PPM1L: variants seen among roughly 807,000 people sequenced by gnomAD.
The protein encoded by PPM1L is protein phosphatase 1L.
PPM1L carries 13 observed loss-of-function variants against 31.4 expected under a neutral mutation model. The observed-to-expected ratio is 0.41, with a 90% confidence interval of 0.27 to 0.66. The LOEUF is 0.66. Among genes scored for constraint, PPM1L ranks in the 30% least tolerant of loss-of-function variants. PPM1L has a pLI of 0.29. For synonymous variants in PPM1L, 184 were observed against 175.4 expected (o/e 1.05, Z -0.39); for missense variants, 326 against 453.7 (o/e 0.72, Z 2.56).
intron 1 of PPM1L, among the ~76,000 whole-genome samples, chr3:160,832,638 C>T (rs1026951871): frequency 2.6e-5 from 4 of 151,996 alleles, no homozygotes; most frequent in Non-Finnish European, 5.9e-5. Flanking sequence ...CACTAAGCTT[C>T]CCCCAGTGAT....
chr3:161,028,310 C>G (rs1323519860), intron 2 of PPM1L, among the ~76,000 whole-genome samples: 2 of 152,082 alleles, frequency 1.3e-5, no homozygotes, highest in South Asian at 2.1e-4. Flanking sequence ...TTTGAGGTCC[C>G]TACAGGAAAA....
chr3:160,783,992 G>T (rs1002379547), intron 1 of PPM1L, among the ~76,000 whole-genome samples: 3 of 152,154 alleles, frequency 2.0e-5, no homozygotes, highest in African/African-American at 7.2e-5. Flanking sequence ...TATCTAAAAA[G>T]AATATAATTT....
chr3:161,066,092 A>T (rs1341127807), intron 3 of PPM1L, among the ~76,000 whole-genome samples: 1 of 152,178 alleles, frequency 6.6e-6, no homozygotes, highest in East Asian at 1.9e-4. Flanking sequence ...CACCTTTTAC[A>T]ATACATGGAC....
chr3:160,824,440 A>C (rs1713298495), intron 1 of PPM1L, among the ~76,000 whole-genome samples: 1 of 152,190 alleles, frequency 6.6e-6, no homozygotes, highest in Non-Finnish European at 1.5e-5. Context: ...TGGTATTTTG[A>C]ATACATGTTT....
chr3:160,814,548 TACAC>T lies in PPM1L; in HGVS notation c.399+57849_399+57852del, dbSNP rs1212031148. On this transcript the variant is annotated intron_variant, in intron 1 of 3. Transcript: ENST00000498165. ...ACACATATGTATGTATGTGTATATATACACACACACATATGTATGTATGTGTATA... is the reference window on the plus strand; with the variant it reads ...ACACATATGTATGTATGTGTATATATACACACATATGTATGTATGTGTATA... Among the ~76,000 whole-genome samples, 154 of 117,702 alleles carry T rather than the reference TACAC, an allele frequency of 1.3e-3. 2 individuals carry two copies. Among genetic ancestry groups the T allele is most frequent in the African/African-American group, 4.4e-3 (143 of 32,436 alleles). 77.2% of individuals were successfully genotyped at this position (117,702 alleles called of 152,430 possible). A position where few individuals can be genotyped will look rare whatever the true frequency, so the allele number is the denominator to read the frequency against.
At chr3:160,856,440 TG>T (rs1471230997) in intron 1 of PPM1L, among the ~76,000 whole-genome samples, 1 of 152,144 alleles carries the variant, frequency 6.6e-6, no homozygotes, top group African/African-American at 2.4e-5. Flanking sequence ...ATAAAAAAAT[TG>T]TGGTATATAT....
intron 1 of PPM1L, among the ~76,000 whole-genome samples, chr3:160,894,023 G>C (rs982299949): frequency 1.3e-5 from 2 of 152,102 alleles, no homozygotes; most frequent in Non-Finnish European, 2.9e-5. Flanking sequence ...GCACATTTAA[G>C]GTAGGCTAGG....
chr3:161,019,756 A>C (rs1173854816), intron 2 of PPM1L, among the ~76,000 whole-genome samples: 4 of 152,202 alleles, frequency 2.6e-5, no homozygotes, highest in Admixed American at 6.5e-5. Flanking sequence ...CTAGGGTCAC[A>C]GTAATGCATT....
intron 2 of PPM1L, among the ~76,000 whole-genome samples, chr3:160,973,772 T>G (rs1716441107): frequency 2.3e-5 from 1 of 44,344 alleles, no homozygotes; most frequent in East Asian, 1.9e-3. Context: ...CTGTTTTTTT[T>G]TTTTTTTTTT....
chr3:160,971,568 A>G (rs1246119347), intron 2 of PPM1L, among the ~76,000 whole-genome samples: 1 of 152,234 alleles, frequency 6.6e-6, no homozygotes, highest in Non-Finnish European at 1.5e-5. Context: ...TGGAATTGGT[A>G]AAGAGTTCTT....
intron 2 of PPM1L, among the ~76,000 whole-genome samples, chr3:161,001,730 C>T (rs1319851910): frequency 1.3e-5 from 2 of 152,086 alleles, no homozygotes; most frequent in African/African-American, 2.4e-5. Flanking sequence ...TCTTCTCCAT[C>T]CTATTAGGAT....
chr3:160,913,987 C>G (rs971545393), intron 1 of PPM1L, among the ~76,000 whole-genome samples: 1 of 152,088 alleles, frequency 6.6e-6, no homozygotes, highest in Non-Finnish European at 1.5e-5. Flanking sequence ...ATATGTTTAG[C>G]TTTATAACAA....
chr3:161,009,684 T>C (rs550113546), intron 2 of PPM1L, among the ~76,000 whole-genome samples: 2 of 152,324 alleles, frequency 1.3e-5, no homozygotes, highest in East Asian at 1.9e-4. Context: ...GGTGGTAAGA[T>C]AGTAAGACTA....
intron 1 of PPM1L, among the ~76,000 whole-genome samples, chr3:160,860,667 A>G (rs1711855026): frequency 6.6e-6 from 1 of 152,206 alleles, no homozygotes; most frequent in Non-Finnish European, 1.5e-5. Flanking sequence ...TTGGGCTGCT[A>G]TAATGAAAGA....
chr3:160,946,977 AG>A (rs1443706196), intron 1 of PPM1L, among the ~76,000 whole-genome samples: 3 of 152,228 alleles, frequency 2.0e-5, no homozygotes, highest in African/African-American at 7.2e-5. Context: ...TACATGCTAT[AG>A]CAAAGAATCA....
At chr3:160,939,546 C>T (rs1188178552) in intron 1 of PPM1L, 1 of 152,162 alleles carries the variant, frequency 6.6e-6, no homozygotes, top group Non-Finnish European at 1.5e-5. Context: ...AATCATGGGG[C>T]CCTGTCTTTC....
chr3:161,057,621 C>T (rs1018288363), intron 2 of PPM1L, among the ~76,000 whole-genome samples: 1 of 152,030 alleles, frequency 6.6e-6, no homozygotes, highest in Non-Finnish European at 1.5e-5. Flanking sequence ...AAGTTGCTAA[C>T]GTTTAAAAAT....
rs1318137611 is a variant in PPM1L at position 160,835,125 on chromosome 3, TTTCTTCC to T, written c.399+78428_399+78434del. Among the ~76,000 whole-genome samples, 12 of 149,534 alleles carry T rather than the reference TTTCTTCC, an allele frequency of 8.0e-5. No homozygotes were observed. The South Asian group carries it at 2.3e-3, about 29-fold the overall frequency. ...CTTCTTTCTTCCTTCTTCTTTCTTC[TTTCTTCC>T]TTCTTCCTTTTTCTTCCTTTTTTTT... On this transcript the variant is annotated intron_variant, in intron 1 of 3. Coordinates refer to ENST00000498165, the MANE Select transcript of PPM1L (RefSeq NM_139245.4).
At chr3:160,973,764 G>GCTTTTTTTTTT (rs1716435982) in intron 2 of PPM1L, among the ~76,000 whole-genome samples, 1 of 88,450 alleles carries the variant, frequency 1.1e-5, no homozygotes, top group Non-Finnish European at 2.6e-5. Context: ...GAAAGGCCCT[G>GCTTTTTTTTTT]TTTTTTTTTT....
Sources: gnomAD v4.1 joint callset for allele counts (sites outside exome capture counted in the v4.1 genomes callset) on GRCh38, gnomAD v4.1.1 for gene constraint, MANE v1.5 for transcripts, NCBI Gene and HGNC (gene_info 2026-07-23, HGNC 2026-07-21) for gene names.